Variants in FAM193B observed in about 807,000 individuals in gnomAD.
The protein encoded by FAM193B is protein FAM193B.
A neutral mutation model predicts 70.7 loss-of-function variants in FAM193B; 27 were observed. The observed-to-expected ratio is 0.38, with a 90% CI of 0.28 to 0.53. The LOEUF is 0.53. FAM193B is among the 20% of genes least tolerant of loss of function. The pLI, the probability that FAM193B is intolerant of heterozygous loss-of-function variation, is 0.81. For synonymous variants in FAM193B, 448 were observed against 436.0 expected (o/e 1.03, Z -0.34); for missense variants, 1,022 against 1,072.5 (o/e 0.95, Z 0.66).
At chr5:177,553,621 G>T (rs947982942) in intron 1 of FAM193B, 1 of 1,231,780 alleles carries the variant, frequency 8.1e-7, no homozygotes, top group Non-Finnish European at 1.0e-6. Context: ...TCAAGGTCGG[G>T]GTGGGCTGCC....
At chr5:177,527,587 C>T (rs1344227070) in intron 5 of FAM193B, among the ~76,000 whole-genome samples, 1 of 152,256 alleles carries the variant, frequency 6.6e-6, no homozygotes, top group African/African-American at 2.4e-5. Context: ...CCTTTCCATG[C>T]ATCGCTCCAT....
chr5:177,553,853 A>G (rs988890799), intron 1 of FAM193B: 1 of 1,272,132 alleles, frequency 7.9e-7, no homozygotes, highest in African/African-American at 1.5e-5. Flanking sequence ...AAGAGGCTGC[A>G]GTCGTCCAGT....
At chr5:177,534,156 C>G (rs1216990451) in intron 4 of FAM193B, among the ~76,000 whole-genome samples, 1 of 152,156 alleles carries the variant, frequency 6.6e-6, no homozygotes, top group Non-Finnish European at 1.5e-5. Flanking sequence ...TCCAAAGCAG[C>G]CCTCTCTGCT....
At position 177,525,087 on chromosome 5, in the gene FAM193B, TC is replaced by T; in HGVS notation, c.1393del (p.Asp465IlefsTer7). On this transcript the variant is annotated frameshift_variant, in exon 6 of 9. Transcript: ENST00000514747. LOFTEE classifies it high-confidence loss of function. ...RLLEWPDRELDRVNSFLSSRL... is the reference protein window; with the variant it reads ...RLLEWPDRELXRVNSFLSSRL... ...GCTGCTCAGGAAGCTGTTGACCCGA[TC>T]CAGTTCCCGGTCGGGCCACTCCAAG... 1 of 1,594,816 alleles carries T rather than the reference TC, an allele frequency of 6.3e-7. No individual in the cohort carries two copies. The highest frequency in any genetic ancestry group is 1.8e-5 in the Admixed American group (1 of 56,350).
Position 177,554,538 on chromosome 5 carries a change from T to A in FAM193B, c.-80A>T. 1.6e-6 allele frequency: 1 copy of A among 623,988 alleles called. No homozygotes were observed. Among genetic ancestry groups the A allele is most frequent in the Non-Finnish European group, 1.9e-6 (1 of 515,204 alleles). 38.7% of individuals were successfully genotyped at this position (623,988 alleles called of 1,614,324 possible). On this transcript the variant is annotated 5_prime_UTR_variant, in exon 1 of 9. Transcript: ENST00000514747. ...CCGCCGCCGCCGCCGCCGCTACCGC[T>A]CCCCTCACAGGACAACAGCCAATAT...
Position 177,522,055 on chromosome 5 carries a change from C to T in FAM193B, c.2389G>A (p.Ala797Thr). 6.2e-7 allele frequency: 1 copy of T among 1,613,958 alleles called. No individual in the cohort carries two copies. Among genetic ancestry groups the T allele is most frequent in the East Asian group, 2.2e-5 (1 of 44,888 alleles). The change falls in exon 8 of 9, where the codon GCA becomes ACA. Residue 797 changes from alanine to threonine, a missense_variant. Physicochemically the swap from Ala to Thr is moderately conservative, Grantham distance 58. Coordinates refer to ENST00000514747, the MANE Select transcript of FAM193B (RefSeq NM_001190946.3). Reference sequence around the variant, plus strand: ...GCAACTTTCTGACGAGTCTGCTTTGCAGAATCCAAACAGAACCTGTTGGGT... The same window carrying T: ...GCAACTTTCTGACGAGTCTGCTTTGTAGAATCCAAACAGAACCTGTTGGGT... Reference protein sequence around the residue: ...EYFKRFCLDSAKQTRQKVAVN... With the variant: ...EYFKRFCLDSTKQTRQKVAVN...
rs755034614 is a variant in FAM193B at position 177,524,843 on chromosome 5, C to T, written c.1638G>A (p.Thr546=). The T allele has an allele frequency of 4.0e-6, 6 of 1,512,416 alleles. No individual in the cohort carries two copies. Among genetic ancestry groups the T allele is most frequent in the South Asian group, 2.7e-5 (2 of 74,330 alleles). 93.7% of individuals were successfully genotyped at this position (1,512,416 alleles called of 1,614,324 possible). A position where few individuals can be genotyped will look rare whatever the true frequency, so the allele number is the denominator to read the frequency against. ...PLTLGSPQNH[T]LQAPGEPAPP... ...GGGCTGGCTCGCCTGGAGCTTGTAA[C>T]GTGTGGTTCTGAGGGGAGCCCAAAG... Residue 546 remains threonine, a synonymous_variant, in exon 6 of 9, where the codon ACG becomes ACA. Coordinates refer to ENST00000514747, the MANE Select transcript of FAM193B (RefSeq NM_001190946.3).
At chr5:177,552,642 G>A (rs574903327) in intron 1 of FAM193B, among the ~76,000 whole-genome samples, 6 of 152,360 alleles carry the variant, frequency 3.9e-5, no homozygotes, top group Admixed American at 6.5e-5. Flanking sequence ...GGGGGTCCCA[G>A]AGTAGGCTGG....
chr5:177,532,078 C>A lies in FAM193B; in HGVS notation c.1275+365G>T, dbSNP rs1392981589. The A allele has an allele frequency of 7.7e-7, 1 of 1,298,928 alleles. No individual in the cohort carries two copies. Among genetic ancestry groups the A allele is most frequent in the Non-Finnish European group, 1.0e-6 (1 of 995,566 alleles). 80.5% of individuals were successfully genotyped at this position (1,298,928 alleles called of 1,614,324 possible). On this transcript the variant is annotated intron_variant, in intron 5 of 8. Transcript: ENST00000514747. The surrounding 1 kb of genome is among the most constrained non-coding windows in gnomAD (Gnocchi z 4.9). ...TCGGCTGGCTGTCACACTTGGGGGA[C>A]TGAGAGCCTTTTTGCTTCCACTCTG...
intron 5 of FAM193B, chr5:177,531,529 TGGGGGGGA>T: frequency 2.0e-6 from 1 of 488,052 alleles, no homozygotes; most frequent in Non-Finnish European, 3.3e-6. Context: ...TGGCTGGGGG[TGGGGGGGA>T]GGTGCTGACA....
intron 1 of FAM193B, among the ~76,000 whole-genome samples, chr5:177,546,540 A>G (rs1765446737): frequency 1.3e-5 from 2 of 152,256 alleles, no homozygotes; most frequent in African/African-American, 4.8e-5. Context: ...CCAACATGCT[A>G]TGAGTCACTC....
intron 1 of FAM193B, among the ~76,000 whole-genome samples, chr5:177,543,516 C>T (rs1765092594): frequency 6.6e-6 from 1 of 152,232 alleles, no homozygotes; most frequent in Admixed American, 6.5e-5. Flanking sequence ...TGAGGGGCCA[C>T]CCCTAAAGCT....
chr5:177,520,692 C>T (rs1430726531), intron 8 of FAM193B, among the ~76,000 whole-genome samples: 1 of 152,202 alleles, frequency 6.6e-6, no homozygotes, highest in African/African-American at 2.4e-5. Context: ...AATGCGATCT[C>T]TTTTCTCTCA....
At chr5:177,525,242 C>T (rs1762405498) in intron 5 of FAM193B, 37 bp from the exon 6 acceptor site, 1 of 1,430,190 alleles carries the variant, frequency 7.0e-7, no homozygotes, top group East Asian at 2.6e-5. Flanking sequence ...AGGAGGCTGT[C>T]AACTGCCAGG....
intron 1 of FAM193B, among the ~76,000 whole-genome samples, chr5:177,540,966 T>C (rs1373933747): frequency 6.6e-6 from 1 of 152,130 alleles, no homozygotes; most frequent in Admixed American, 6.5e-5. Flanking sequence ...AATGTTACCA[T>C]TACACTGACT....
chr5:177,554,478 C>G lies in FAM193B; in HGVS notation c.-20G>C. 4.4e-6 allele frequency: 4 copies of G among 915,242 alleles called. No homozygotes were observed. Among genetic ancestry groups the G allele is most frequent in the Non-Finnish European group, 5.0e-6 (4 of 806,296 alleles). 56.7% of individuals were successfully genotyped at this position (915,242 alleles called of 1,614,324 possible). On this transcript the variant is annotated 5_prime_UTR_variant, in exon 1 of 9. Transcript: ENST00000514747. ...CGTCATGCCGCCGCTCGCGCCGCTC[C>G]CTCGCTCCACACGCCGCCGCCGCCG...
intron 1 of FAM193B, among the ~76,000 whole-genome samples, chr5:177,545,404 T>C (rs1392654355): frequency 4.6e-5 from 7 of 152,228 alleles, no homozygotes; most frequent in Admixed American, 4.6e-4. Flanking sequence ...GTTAACAAGA[T>C]AGCTTTAATA....
chr5:177,524,087 T>C (rs1286944042), intron 6 of FAM193B, 55 bp from the exon 7 acceptor site: 1 of 1,613,156 alleles, frequency 6.2e-7, no homozygotes, highest in African/African-American at 1.3e-5. Flanking sequence ...TTTGGGGTTA[T>C]GCTCTGGGGG....
At position 177,519,836 on chromosome 5, in the gene FAM193B, G is replaced by T. The variant is rs1761452984; in HGVS notation, c.*347C>A. On this transcript the variant is annotated 3_prime_UTR_variant, in exon 9 of 9. Coordinates refer to ENST00000514747, the MANE Select transcript of FAM193B (RefSeq NM_001190946.3). ...TCTTTCGGCACGAAAGATCTTCACA[G>T]TATCAAAAGTAAAGAATTGGAAAAA... 6.6e-6 allele frequency: 1 copy of T among 152,178 alleles called. No individual in the cohort carries two copies. Among genetic ancestry groups the T allele is most frequent in the South Asian group, 2.1e-4 (1 of 4,830 alleles). The allele number at this position is 152,178 out of a possible 1,614,324, so 9.4% of individuals were successfully genotyped here. A position where few individuals can be genotyped will look rare whatever the true frequency, so the allele number is the denominator to read the frequency against.
Sources: allele counts gnomAD v4.1 joint callset (sites outside exome capture counted in the v4.1 genomes callset), GRCh38; gene constraint gnomAD v4.1.1; non-coding constraint Gnocchi (gnomAD v3.1); transcripts MANE v1.5; gene names NCBI Gene and HGNC (gene_info 2026-07-23, HGNC 2026-07-21).